SH3GL2: variants seen among roughly 807,000 people sequenced by gnomAD.
SH3GL2 encodes the protein endophilin-A1.
SH3GL2 carries 24 observed loss-of-function variants against 46.0 expected under a neutral mutation model. The ratio of observed to expected loss-of-function variants is 0.52; its 90% CI spans 0.38 to 0.73. SH3GL2 has a LOEUF of 0.73. Among genes scored for constraint, SH3GL2 ranks in the 30% least tolerant of loss-of-function variants. The pLI, the probability that SH3GL2 is intolerant of heterozygous loss-of-function variation, is 0.00. For missense variants in SH3GL2, 413 were observed against 424.2 expected (o/e 0.97, Z 0.23); for synonymous variants, 196 against 147.1 (o/e 1.33, Z -2.40).
chr9:17,631,367 C>G (rs184719075), intron 1 of SH3GL2, among the ~76,000 whole-genome samples: 1 of 152,340 alleles, frequency 6.6e-6, no homozygotes, highest in East Asian at 1.9e-4. Context: ...GACATCCCCT[C>G]TTGCTCAGGC....
At chr9:17,641,702 G>C (rs1304525336) in intron 1 of SH3GL2, among the ~76,000 whole-genome samples, 3 of 152,196 alleles carry the variant, frequency 2.0e-5, no homozygotes, top group East Asian at 1.9e-4. Flanking sequence ...TTGGTTTTCT[G>C]TTCCTCTGTG....
chr9:17,689,868 C>G (rs967965457), intron 1 of SH3GL2, among the ~76,000 whole-genome samples: 2 of 152,072 alleles, frequency 1.3e-5, no homozygotes, highest in African/African-American at 2.4e-5. Context: ...TTTATTTTAA[C>G]TTCTTATCCC....
chr9:17,688,880 G>A (rs1383357968), intron 1 of SH3GL2, among the ~76,000 whole-genome samples: 1 of 152,080 alleles, frequency 6.6e-6, no homozygotes, highest in Non-Finnish European at 1.5e-5. Context: ...CCTGTGCAGA[G>A]GAATTGCAAA....
chr9:17,677,642 A>ATATATATT (rs1333458761), intron 1 of SH3GL2, among the ~76,000 whole-genome samples: 1 of 150,698 alleles, frequency 6.6e-6, no homozygotes, highest in Admixed American at 6.6e-5. Context: ...ATATATATAT[A>ATATATATT]TTTATACTTT....
At chr9:17,583,193 CAT>C (rs1338126073) in intron 1 of SH3GL2, among the ~76,000 whole-genome samples, 30 of 152,288 alleles carry the variant, frequency 2.0e-4, no homozygotes, top group African/African-American at 7.2e-4. Flanking sequence ...CTATAAATAA[CAT>C]ATAACTTTCT....
intron 1 of SH3GL2, among the ~76,000 whole-genome samples, chr9:17,667,582 T>C (rs1365467690): frequency 6.6e-6 from 1 of 152,230 alleles, no homozygotes; most frequent in African/African-American, 2.4e-5. Context: ...TTTATAATGT[T>C]TCCACTTTTT....
intron 7 of SH3GL2, among the ~76,000 whole-genome samples, chr9:17,792,406 T>C (rs1824157084): frequency 6.6e-6 from 1 of 152,134 alleles, no homozygotes; most frequent in African/African-American, 2.4e-5. Flanking sequence ...ATGTTCAAAG[T>C]CAGTATCATT....
At chr9:17,584,225 G>A (rs1818328000) in intron 1 of SH3GL2, among the ~76,000 whole-genome samples, 1 of 152,180 alleles carries the variant, frequency 6.6e-6, no homozygotes, top group African/African-American at 2.4e-5. Flanking sequence ...ATAGGGTGGG[G>A]CGTGGTGGCT....
At chr9:17,676,244 C>A (rs1035420825) in intron 1 of SH3GL2, among the ~76,000 whole-genome samples, 5 of 152,132 alleles carry the variant, frequency 3.3e-5, no homozygotes, top group African/African-American at 7.2e-5. Flanking sequence ...CTTCCCTTCT[C>A]CTCAACTTTT....
At chr9:17,724,594 T>C (rs1377608570) in intron 1 of SH3GL2, among the ~76,000 whole-genome samples, 1 of 152,084 alleles carries the variant, frequency 6.6e-6, no homozygotes, top group East Asian at 1.9e-4. Context: ...TGCACATGCA[T>C]GTGTGTGTAT....
intron 1 of SH3GL2, among the ~76,000 whole-genome samples, chr9:17,604,028 G>C (rs1307677262): frequency 6.6e-6 from 1 of 152,200 alleles, no homozygotes; most frequent in Non-Finnish European, 1.5e-5. Flanking sequence ...GTTGTTTTTA[G>C]TTTCTGGTCA....
chr9:17,606,127 C>T (rs755956768), intron 1 of SH3GL2, among the ~76,000 whole-genome samples: 1 of 152,120 alleles, frequency 6.6e-6, no homozygotes, highest in African/African-American at 2.4e-5. Flanking sequence ...GAGTCTCACT[C>T]TGTTGCCCAG....
chr9:17,744,601 C>T (rs1332946014), intron 1 of SH3GL2, among the ~76,000 whole-genome samples: 1 of 152,092 alleles, frequency 6.6e-6, no homozygotes, highest in African/African-American at 2.4e-5. Flanking sequence ...ATCCTGGGCT[C>T]AAGCGATCCT....
chr9:17,746,999 A>T, intron 1 of SH3GL2, 67 bp from the exon 2 acceptor site: 1 of 1,114,098 alleles, frequency 9.0e-7, no homozygotes, highest in Non-Finnish European at 1.3e-6. Context: ...GAAAGTGCTT[A>T]AAATTTCTAA....
At chr9:17,792,635 C>T (rs1824165447) in intron 7 of SH3GL2, among the ~76,000 whole-genome samples, 1 of 152,166 alleles carries the variant, frequency 6.6e-6, no homozygotes, top group African/African-American at 2.4e-5. Flanking sequence ...TTCCTCCTTC[C>T]CTCTGTCCAA....
At chr9:17,645,523 C>G (rs1036204624) in intron 1 of SH3GL2, among the ~76,000 whole-genome samples, 45 of 152,030 alleles carry the variant, frequency 3.0e-4, no homozygotes, top group African/African-American at 1.1e-3. Context: ...TTTTTCCTTA[C>G]CATATTTAGT....
intron 1 of SH3GL2, among the ~76,000 whole-genome samples, chr9:17,602,417 G>C (rs1467431684): frequency 6.6e-6 from 1 of 152,104 alleles, no homozygotes; most frequent in Non-Finnish European, 1.5e-5. Context: ...TTTTAAAAAA[G>C]ACTTTTGCTT....
intron 1 of SH3GL2, among the ~76,000 whole-genome samples, chr9:17,648,150 A>G (rs1819871021): frequency 6.6e-6 from 1 of 152,194 alleles, no homozygotes. Flanking sequence ...ACAGTAGGCT[A>G]TTAGTAGTTA....
At chr9:17,609,551 A>C (rs910735173) in intron 1 of SH3GL2, among the ~76,000 whole-genome samples, 1 of 152,182 alleles carries the variant, frequency 6.6e-6, no homozygotes, top group Non-Finnish European at 1.5e-5. Flanking sequence ...AAGTGAGCCC[A>C]GTATGGCTGA....
Sources: gnomAD v4.1 joint callset for allele counts (sites outside exome capture counted in the v4.1 genomes callset) on GRCh38, gnomAD v4.1.1 for gene constraint, MANE v1.5 for transcripts, NCBI Gene and HGNC (gene_info 2026-07-23, HGNC 2026-07-21) for gene names.